GALC: variants seen among roughly 807,000 people sequenced by gnomAD.
GALC encodes the protein galactosylceramidase.
GALC carries 77 observed loss-of-function variants against 91.8 expected under a neutral mutation model. That is an observed-to-expected ratio of 0.84 (90% CI 0.70 to 1.01). The LOEUF is 1.01. GALC is among the 50% of genes least tolerant of loss of function. The pLI is 0.00. For missense variants in GALC, 882 were observed against 855.9 expected (o/e 1.03, Z -0.38); for synonymous variants, 357 against 306.7 (o/e 1.16, Z -1.71).
chr14:87,993,576 A>G, upstream of GALC: 1 of 1,139,622 alleles, frequency 8.8e-7, no homozygotes, highest in Non-Finnish European at 1.3e-6. Flanking sequence ...TGGTGGAATC[A>G]CTTTGCTTTT....
chr14:87,972,158 A>AT (rs77077766), intron 7 of GALC, among the ~76,000 whole-genome samples: 20,147 of 152,150 alleles, frequency 0.13, 1,550 homozygotes, highest in South Asian at 0.26. Context: ...TAATACACAG[A>AT]TAAGTTGTGG....
intron 10 of GALC, among the ~76,000 whole-genome samples, chr14:87,958,837 A>G (rs1175275550): frequency 6.6e-6 from 1 of 152,176 alleles, no homozygotes; most frequent in Non-Finnish European, 1.5e-5. Context: ...CAATATACAC[A>G]GTCAACTCAA....
chr14:87,934,205 T>A lies in GALC; in HGVS notation c.*527A>T. On this transcript the variant is annotated 3_prime_UTR_variant, in exon 17 of 17. Coordinates refer to ENST00000261304, the MANE Select transcript of GALC (RefSeq NM_000153.4). ...AAAAGTATCATCTTAAAAAGGAAAA[T>A]AAAAAAATACTTTTTAGAGCATAAA... is the stretch of plus-strand genomic sequence containing the variant. 1.4e-6 allele frequency: 2 copies of A among 1,394,972 alleles called. No individual in the cohort carries two copies. The highest frequency in any genetic ancestry group is 1.9e-6 in the Non-Finnish European group (2 of 1,078,002). 86.4% of individuals were successfully genotyped at this position (1,394,972 alleles called of 1,614,324 possible).
intron 10 of GALC, chr14:87,954,697 T>A (rs1885448249): frequency 3.2e-6 from 5 of 1,553,892 alleles, no homozygotes; most frequent in South Asian, 2.2e-5. Flanking sequence ...AGCTGTCATT[T>A]CCTATTACGG....
chr14:87,985,212 GCTA>G (rs1475282853), intron 4 of GALC, among the ~76,000 whole-genome samples: 1 of 149,430 alleles, frequency 6.7e-6, no homozygotes, highest in East Asian at 1.9e-4. Flanking sequence ...AATTTAACTT[GCTA>G]CTAATATATT....
Position 87,993,124 on chromosome 14 carries a change from G to C in GALC, c.41C>G (p.Ala14Gly), listed in dbSNP as rs373587692. The C allele has an allele frequency of 1.3e-3, 2,137 of 1,585,660 alleles. 4 individuals carry two copies. The highest frequency in any genetic ancestry group is 8.5e-3 in the Middle Eastern group (51 of 5,994). ...ACCCGCGGCCGCAGTCATAGCTTTC[G>C]CTCGGCGTTGCCAGGAAGCCGAGAG... is the stretch of plus-strand genomic sequence containing the variant. ...WLLSASWQRR[A>G]KAMTAAAGSA... Residue 14 changes from alanine (A) to glycine (G), a missense_variant, in exon 1 of 17, where the codon GCG (alanine) becomes GGG (glycine). By Grantham distance (60) the Ala-to-Gly change is moderately conservative (BLOSUM62 0). Transcript: ENST00000261304.
intron 7 of GALC, among the ~76,000 whole-genome samples, chr14:87,971,634 T>C (rs1026620160): frequency 6.6e-6 from 1 of 152,190 alleles, no homozygotes; most frequent in Non-Finnish European, 1.5e-5. Context: ...CAAAATATTA[T>C]CACTTAACAT....
At chr14:87,973,353 T>C (rs56294010) in intron 7 of GALC, among the ~76,000 whole-genome samples, 17,185 of 148,068 alleles carry the variant, frequency 0.12, 1,140 homozygotes, top group Non-Finnish European at 0.16. Context: ...AATGGTAGAG[T>C]GAGATTAAAA....
In GALC at chr14:87,939,964, CA is replaced by C. The variant is rs1057516433; in HGVS notation, c.1851del (p.Tyr617Ter). The C allele has an allele frequency of 1.2e-6, 2 of 1,609,932 alleles. No homozygotes were observed. Among genetic ancestry groups the C allele is most frequent in the Non-Finnish European group, 1.7e-6 (2 of 1,176,836 alleles). On this transcript the variant is annotated frameshift_variant, in exon 16 of 17. Coordinates refer to ENST00000261304, the MANE Select transcript of GALC (RefSeq NM_000153.4). LOFTEE classifies it high-confidence loss of function. The stretch of plus-strand genomic sequence containing the variant: ...GCTGTAACTTCAACACGTCCTAAAG[CA>C]TATATAATCCATCCAGCTGTAACAC... The part of the protein sequence containing the change: ...VTGDLAGWII[Y>X]ALGRVEVTAK...
intron 16 of GALC, among the ~76,000 whole-genome samples, chr14:87,935,708 T>C (rs1402249988): frequency 2.0e-5 from 3 of 152,040 alleles, no homozygotes; most frequent in African/African-American, 7.2e-5. Context: ...AACTAGCTAC[T>C]CTCAGAAGGT....
intron 3 of GALC, among the ~76,000 whole-genome samples, chr14:87,987,360 A>G (rs953798666): frequency 3.9e-5 from 6 of 152,344 alleles, no homozygotes; most frequent in South Asian, 4.1e-4. Flanking sequence ...AAATTAGTCC[A>G]TCATTGTCAA....
intron 15 of GALC, among the ~76,000 whole-genome samples, chr14:87,941,175 G>A (rs968853367): frequency 6.6e-6 from 1 of 151,714 alleles, no homozygotes; most frequent in Non-Finnish European, 1.5e-5. Flanking sequence ...TAAAAGCTTT[G>A]TACAATTATT....
At chr14:87,942,530 C>G (rs762298451) in intron 14 of GALC, among the ~76,000 whole-genome samples, 29 of 152,114 alleles carry the variant, frequency 1.9e-4, no homozygotes, top group Non-Finnish European at 3.8e-4. Flanking sequence ...TCACTTCCTA[C>G]TCAGTATCTA....
chr14:87,934,932 G>A, intron 16 of GALC, 54 bp from the exon 17 acceptor site: 1 of 1,362,318 alleles, frequency 7.3e-7, no homozygotes. Context: ...GTCCTCTGAA[G>A]TCTGTTTCTT....
At chr14:87,975,901 A>G (rs938308012) in intron 7 of GALC, among the ~76,000 whole-genome samples, 12 of 152,196 alleles carry the variant, frequency 7.9e-5, no homozygotes, top group African/African-American at 2.9e-4. Flanking sequence ...GCAGAAATGG[A>G]ATAAAGAGTA....
intron 10 of GALC, among the ~76,000 whole-genome samples, chr14:87,962,602 CA>C (rs1885854434): frequency 1.3e-5 from 2 of 151,158 alleles, no homozygotes; most frequent in Admixed American, 6.6e-5. Context: ...CACACACACA[CA>C]CACACACACA....
At chr14:87,946,373 G>C (rs1885071638) in intron 13 of GALC, among the ~76,000 whole-genome samples, 1 of 151,978 alleles carries the variant, frequency 6.6e-6, no homozygotes, top group Admixed American at 6.6e-5. Context: ...TTACAATAAT[G>C]AATGCTGTAG....
chr14:87,950,415 C>T (rs1361255204), intron 11 of GALC, among the ~76,000 whole-genome samples: 1 of 151,782 alleles, frequency 6.6e-6, no homozygotes, highest in African/African-American at 2.4e-5. Flanking sequence ...CCACCAAGAA[C>T]AACTTTCTTG....
At chr14:87,969,563 T>C (rs1289858407) in intron 7 of GALC, among the ~76,000 whole-genome samples, 1 of 152,132 alleles carries the variant, frequency 6.6e-6, no homozygotes, top group Admixed American at 6.5e-5. Context: ...TAAATAACTG[T>C]AGGAATAAGA....
Sources: gnomAD v4.1 joint callset for allele counts (sites outside exome capture counted in the v4.1 genomes callset) on GRCh38, gnomAD v4.1.1 for gene constraint, MANE v1.5 for transcripts, NCBI Gene and HGNC (gene_info 2026-07-23, HGNC 2026-07-21) for gene names.